Variants in LRGUK observed in about 807,000 individuals in gnomAD.
LRGUK encodes leucine rich repeats and guanylate kinase domain containing.
A neutral mutation model predicts 76.0 loss-of-function variants in LRGUK; 65 were observed. The observed-to-expected ratio is 0.85, with a 90% CI of 0.70 to 1.05. The LOEUF is 1.05. Ranked by LOEUF, LRGUK falls within the 50% of genes least tolerant of loss-of-function variation. The pLI is 0.00. For missense variants in LRGUK, 758 were observed against 732.8 expected (o/e 1.03, Z -0.40); for synonymous variants, 268 against 265.6 (o/e 1.01, Z -0.09).
exon 16 of LRGUK, chr7:134,208,811 C>G: frequency 2.5e-6 from 1 of 399,038 alleles, no homozygotes; most frequent in East Asian, 3.6e-5. Context: ...GACAGAGCAT[C>G]TCTCTGGAAT....
At chr7:134,224,912 T>C (rs1353341702) in intron 16 of LRGUK, among the ~76,000 whole-genome samples, 1 of 151,162 alleles carries the variant, frequency 6.6e-6, no homozygotes, top group Non-Finnish European at 1.5e-5. Flanking sequence ...ATTAGTCGGG[T>C]GTAGTGGCTC....
At chr7:134,181,450 C>T (rs1421470778) in intron 10 of LRGUK, among the ~76,000 whole-genome samples, 1 of 150,402 alleles carries the variant, frequency 6.6e-6, no homozygotes, top group Non-Finnish European at 1.5e-5. Flanking sequence ...AGTAATTTTA[C>T]TAGACTATGT....
chr7:134,267,093 A>G (rs1182009272), downstream of LRGUK, among the ~76,000 whole-genome samples: 3 of 152,202 alleles, frequency 2.0e-5, no homozygotes, highest in African/African-American at 7.2e-5. Flanking sequence ...AAACAAAAAT[A>G]ATTTGTTGCC....
chr7:134,191,742 G>A (rs760218864), exon 12 of LRGUK: 3 of 1,603,762 alleles, frequency 1.9e-6, no homozygotes, highest in Non-Finnish European at 2.6e-6. Flanking sequence ...TTGATGAAAT[G>A]GTGAACATGG....
intron 5 of LRGUK, among the ~76,000 whole-genome samples, chr7:134,157,121 A>G (rs1798497825): frequency 6.6e-6 from 1 of 152,252 alleles, no homozygotes; most frequent in Non-Finnish European, 1.5e-5. Context: ...AATTTTCACA[A>G]TAAATGGAAT....
chr7:134,212,502 G>A (rs1801311601), downstream of LRGUK, among the ~76,000 whole-genome samples: 1 of 152,106 alleles, frequency 6.6e-6, no homozygotes, highest in Non-Finnish European at 1.5e-5. Context: ...TTATTTCAAG[G>A]GCAGTAGAGG....
Position 134,249,847 on chromosome 7 carries a change from C to T in LRGUK, c.2198+771C>T, listed in dbSNP as rs552969923. ...TGCTCCTGTCACTGCAGCTGACCAT[C>T]TCGCTGTAGGTCTTGAAAACAAATT... is the stretch of plus-strand genomic sequence containing the variant. On this transcript the variant is annotated intron_variant, in intron 18 of 19. Coordinates refer to the LRGUK transcript ENST00000285928. 5.3e-5 allele frequency among the ~76,000 whole-genome samples: 8 copies of T among 152,316 alleles called. No individual in the cohort carries two copies. In the South Asian group the frequency reaches 1.7e-3, roughly 32 times the overall value.
At chr7:134,194,004 GA>G (rs1373254539) in intron 12 of LRGUK, among the ~76,000 whole-genome samples, 2 of 152,048 alleles carry the variant, frequency 1.3e-5, no homozygotes, top group African/African-American at 4.8e-5. Flanking sequence ...CATGCCCACA[GA>G]TATGAGAACC....
At chr7:134,225,540 T>C (rs1484270896) in intron 16 of LRGUK, among the ~76,000 whole-genome samples, 1 of 152,134 alleles carries the variant, frequency 6.6e-6, no homozygotes, top group Non-Finnish European at 1.5e-5. Flanking sequence ...GTAGTTTAGG[T>C]GGAAATACAA....
Position 134,258,390 on chromosome 7 carries a change from G to T in LRGUK, c.2332G>T (p.Glu778Ter), listed in dbSNP as rs149043647. 1.2e-6 allele frequency: 2 copies of T among 1,613,838 alleles called. No individual in the cohort carries two copies. The highest frequency in any genetic ancestry group is 3.3e-5 in the Admixed American group (2 of 59,996). Residue 778 changes from glutamate to a stop codon, truncating the protein, a stop_gained, in exon 19 of 20, where the codon GAA becomes TAA. Transcript: ENST00000285928. LOFTEE classifies it low-confidence loss of function (END_TRUNC). ...ATCAGGAGCCAGTGACAGTGAGACC[G>T]AAGAGACCCGGAAAGGTATGAGTTA...
intron 19 of LRGUK, among the ~76,000 whole-genome samples, chr7:134,262,970 C>CAAAA (rs3030443): frequency 1.4e-4 from 13 of 89,934 alleles, no homozygotes; most frequent in East Asian, 1.3e-3. Context: ...GACCTGGTCT[C>CAAAA]AAAAAAAAAA....
chr7:134,180,191 T>A (rs1279302277), intron 10 of LRGUK, among the ~76,000 whole-genome samples: 1 of 152,120 alleles, frequency 6.6e-6, no homozygotes, highest in Non-Finnish European at 1.5e-5. Flanking sequence ...CCAATTCCAG[T>A]CTGGGGGTTA....
intron 2 of LRGUK, among the ~76,000 whole-genome samples, chr7:134,139,153 A>G (rs981982816): frequency 1.3e-5 from 2 of 152,166 alleles, no homozygotes; most frequent in African/African-American, 4.8e-5. Context: ...ACTCTGTTCT[A>G]ACGGTCTCCA....
intron 10 of LRGUK, among the ~76,000 whole-genome samples, chr7:134,180,540 A>G (rs1393145483): frequency 6.6e-6 from 1 of 152,148 alleles, no homozygotes; most frequent in African/African-American, 2.4e-5. Context: ...CACACCAAGA[A>G]ATCTGGTTCT....
In LRGUK at chr7:134,158,176, G is replaced by T; in HGVS notation, c.795+17G>T. On this transcript the variant is annotated intron_variant, in intron 6 of 15. Coordinates refer to ENST00000645682, the Ensembl canonical transcript of LRGUK. ...CTTTGTCTGGTGAGTCTAACAAAAT[G>T]CTGTTCTTTATAGAAGTAGTAGTTA... 1 of 1,605,538 alleles carries T rather than the reference G, an allele frequency of 6.2e-7. No individual in the cohort carries two copies. Among genetic ancestry groups the T allele is most frequent in the Non-Finnish European group, 8.5e-7 (1 of 1,173,736 alleles).
chr7:134,209,277 T>A, exon 16 of LRGUK: 1 of 399,246 alleles, frequency 2.5e-6, no homozygotes, highest in East Asian at 3.6e-5. Flanking sequence ...CCTCAGAGAA[T>A]TCAGGATGAG....
chr7:134,242,371 A>G (rs1802182343), intron 16 of LRGUK, among the ~76,000 whole-genome samples: 1 of 152,222 alleles, frequency 6.6e-6, no homozygotes, highest in Admixed American at 6.5e-5. Context: ...TAAAGGGGAT[A>G]TCACCATGGA....
intron 1 of LRGUK, among the ~76,000 whole-genome samples, chr7:134,128,093 G>A (rs1286500346): frequency 7.2e-6 from 1 of 139,264 alleles, no homozygotes; most frequent in African/African-American, 2.7e-5. Flanking sequence ...TTCTAGTCCC[G>A]TCAGCCTCCC....
At chr7:134,128,995 C>T (rs988438250) in intron 1 of LRGUK, among the ~76,000 whole-genome samples, 9 of 151,186 alleles carry the variant, frequency 6.0e-5, no homozygotes, top group African/African-American at 1.5e-4. Context: ...GTATAAATTG[C>T]GTGAAATTCT....
Sources: gnomAD v4.1 joint callset for allele counts (sites outside exome capture counted in the v4.1 genomes callset) on GRCh38, gnomAD v4.1.1 for gene constraint, MANE v1.5 for transcripts, NCBI Gene and HGNC (gene_info 2026-07-23, HGNC 2026-07-21) for gene names.